HTRA1: variants seen among roughly 807,000 people sequenced by gnomAD.
HTRA1 encodes serine protease HTRA1.
A neutral mutation model predicts 49.7 loss-of-function variants in HTRA1; 26 were observed. That is an observed-to-expected ratio of 0.52 (90% CI 0.38 to 0.73). The LOEUF (loss-of-function observed/expected upper bound fraction) is 0.73. HTRA1 is among the 30% of genes least tolerant of loss of function. The probability of loss-of-function intolerance (pLI) is 0.00; values close to 1 mark genes in which losing one functional copy is unlikely to be tolerated. For synonymous variants in HTRA1, 291 were observed against 286.9 expected (o/e 1.01, Z -0.14); for missense variants, 561 against 667.2 (o/e 0.84, Z 1.75).
chr10:122,510,022 C>T, intron 6 of HTRA1, 74 bp from the exon 7 acceptor site: 6 of 1,305,680 alleles, frequency 4.6e-6, no homozygotes, highest in East Asian at 2.3e-5. Context: ...GGGGATTGGG[C>T]CCCCGGCCCC....
At chr10:122,507,001 A>G (rs540299091) in intron 4 of HTRA1, 116 bp downstream of exon 4, 4 of 924,378 alleles carry the variant, frequency 4.3e-6, no homozygotes, top group Admixed American at 2.0e-5. Flanking sequence ...GGATGGAACT[A>G]GACCAAGCCA....
chr10:122,461,865 C>A lies in HTRA1; in HGVS notation c.213C>A (p.Pro71=). ...ACGCCEVCGA[P]EGAACGLQEG... is the part of the protein sequence containing the mutation. ...GCTGCTGCGAGGTGTGCGGCGCGCCCGAGGGCGCCGCGTGCGGCCTGCAGG... is the reference window on the plus strand; with the variant it reads ...GCTGCTGCGAGGTGTGCGGCGCGCCAGAGGGCGCCGCGTGCGGCCTGCAGG... Residue 71 remains proline, a synonymous_variant, in exon 1 of 9, where the codon CCC becomes CCA. Coordinates refer to ENST00000368984, the MANE Select transcript of HTRA1 (RefSeq NM_002775.5). 2 of 1,213,048 alleles carry A rather than the reference C, an allele frequency of 1.6e-6. No homozygotes were observed. The highest frequency in any genetic ancestry group is 2.0e-6 in the Non-Finnish European group (2 of 979,272). 75.1% of individuals were successfully genotyped at this position (1,213,048 alleles called of 1,614,324 possible). A position where few individuals can be genotyped will look rare whatever the true frequency, so the allele number is the denominator to read the frequency against.
chr10:122,497,422 C>A (rs1428241876), intron 3 of HTRA1, among the ~76,000 whole-genome samples: 1 of 152,174 alleles, frequency 6.6e-6, no homozygotes, highest in Non-Finnish European at 1.5e-5. Flanking sequence ...AACTTCCCTG[C>A]ATTTGGGGCT....
At chr10:122,471,135 C>T (rs1025255120) in intron 1 of HTRA1, among the ~76,000 whole-genome samples, 3 of 152,208 alleles carry the variant, frequency 2.0e-5, no homozygotes, top group Non-Finnish European at 4.4e-5. Flanking sequence ...TTAATGTTTG[C>T]TGGTCAGGAA....
chr10:122,504,826 T>C (rs1382604330), intron 3 of HTRA1, among the ~76,000 whole-genome samples: 4 of 151,708 alleles, frequency 2.6e-5, no homozygotes, highest in Non-Finnish European at 5.9e-5. Context: ...GCTTGAGGAG[T>C]GTGGGAAGTG....
chr10:122,500,493 A>C (rs989827553), intron 3 of HTRA1, among the ~76,000 whole-genome samples: 3 of 152,282 alleles, frequency 2.0e-5, no homozygotes, highest in Non-Finnish European at 4.4e-5. Flanking sequence ...AATCCAGAGA[A>C]GCTAATCAAG....
At chr10:122,468,402 G>A (rs1374625254) in intron 1 of HTRA1, among the ~76,000 whole-genome samples, 1 of 148,546 alleles carries the variant, frequency 6.7e-6, no homozygotes, top group East Asian at 2.0e-4. Context: ...TGTTGTCATT[G>A]TCATCATCAT....
At chr10:122,477,263 G>A (rs533907417) in intron 1 of HTRA1, among the ~76,000 whole-genome samples, 5 of 152,174 alleles carry the variant, frequency 3.3e-5, no homozygotes, top group African/African-American at 7.2e-5. Context: ...CACCATGCCC[G>A]GCCTGTAGTT....
chr10:122,486,513 C>A (rs944145355), intron 1 of HTRA1, among the ~76,000 whole-genome samples: 5 of 152,190 alleles, frequency 3.3e-5, no homozygotes, highest in Non-Finnish European at 5.9e-5. Flanking sequence ...GAAGCGCTCT[C>A]ACTTCCAAGA....
chr10:122,479,632 C>T (rs1001078835), intron 1 of HTRA1, among the ~76,000 whole-genome samples: 9 of 151,862 alleles, frequency 5.9e-5, no homozygotes, highest in African/African-American at 1.7e-4. Context: ...TCATCCAGGC[C>T]GGAAGGAAAA....
rs965737954 is a variant in HTRA1, at chr10:122,510,017, T to C, written c.1121-79T>C. The stretch of plus-strand genomic sequence containing the variant: ...GTGGCCCTTCCTGCAACCTGGGGGA[T>C]TGGGCCCCCGGCCCCTGGTGTCCCC... On this transcript the variant is annotated intron_variant, in intron 6 of 8. Transcript: ENST00000368984. 3 of 1,240,560 alleles carry C rather than the reference T, an allele frequency of 2.4e-6. No individual in the cohort carries two copies. In the African/African-American group the frequency reaches 4.4e-5, roughly 18 times the overall value. 76.8% of individuals were successfully genotyped at this position (1,240,560 alleles called of 1,614,324 possible).
chr10:122,461,972 C>T lies in HTRA1; in HGVS notation c.320C>T (p.Ala107Val), dbSNP rs1002926802. 2.0e-6 allele frequency: 3 copies of T among 1,510,278 alleles called. No homozygotes were observed. In the African/African-American group the frequency reaches 4.3e-5, roughly 22 times the overall value. The allele number at this position is 1,510,278 out of a possible 1,614,324, so 93.6% of individuals were successfully genotyped here. Residue 107 changes from alanine to valine, a missense_variant, in exon 1 of 9, where the codon GCC (alanine) becomes GTC (valine). Coordinates refer to ENST00000368984, the MANE Select transcript of HTRA1 (RefSeq NM_002775.5). ...ASATVRRRAQ[A>V]GLCVCASSEP... ...GCCACGGTGCGGCGGCGCGCGCAGG[C>T]CGGCCTCTGTGTGTGCGCCAGCAGC...
chr10:122,511,531 G>A (rs1167447748), intron 7 of HTRA1, among the ~76,000 whole-genome samples: 14 of 151,988 alleles, frequency 9.2e-5, no homozygotes, highest in Admixed American at 2.0e-4. Flanking sequence ...CCAGGAGTTC[G>A]AGACCAGCCT....
At chr10:122,507,459 TTTTG>T (rs1207577576) in intron 5 of HTRA1, 57 bp downstream of exon 5, 19 of 1,301,098 alleles carry the variant, frequency 1.5e-5, no homozygotes, top group Middle Eastern at 1.8e-4. Context: ...ATACGCTGTT[TTTTG>T]TTTGTTTGTT....
chr10:122,485,040 C>A (rs988557359), intron 1 of HTRA1, among the ~76,000 whole-genome samples: 1 of 152,208 alleles, frequency 6.6e-6, no homozygotes, highest in African/African-American at 2.4e-5. Flanking sequence ...AGGCAGTGGC[C>A]ACTCCATGTA....
At position 122,496,167 on chromosome 10, in the gene HTRA1, G is replaced by A. The variant is rs564768596; in HGVS notation, c.777+6541G>A. On this transcript the variant is annotated intron_variant, in intron 3 of 8. Coordinates refer to ENST00000368984, the MANE Select transcript of HTRA1 (RefSeq NM_002775.5). ...AAGCGAGGTGAAGCACTAGGTGGCC[G>A]CGGCGAGCAGGAAGAGAAGCTGATT... Among the ~76,000 whole-genome samples, 11 of 149,944 alleles carry A rather than the reference G, an allele frequency of 7.3e-5. No individual in the cohort carries two copies. In the South Asian group the frequency reaches 1.1e-3, roughly 14 times the overall value.
chr10:122,475,329 G>A (rs1227584600), intron 1 of HTRA1, among the ~76,000 whole-genome samples: 1 of 152,208 alleles, frequency 6.6e-6, no homozygotes, highest in East Asian at 1.9e-4. Flanking sequence ...GGAAAGAGAG[G>A]GGCTGCCAAC....
At chr10:122,492,824 C>G (rs2097496579) in intron 3 of HTRA1, among the ~76,000 whole-genome samples, 1 of 152,110 alleles carries the variant, frequency 6.6e-6, no homozygotes. Flanking sequence ...GGAGTGGACA[C>G]AGGACCCAGT....
chr10:122,461,741 C>T lies in HTRA1; in HGVS notation c.89C>T (p.Ser30Leu). 8.7e-7 allele frequency: 1 copy of T among 1,151,796 alleles called. No homozygotes were observed. Among genetic ancestry groups the T allele is most frequent in the South Asian group, 2.4e-5 (1 of 42,232 alleles). The allele number at this position is 1,151,796 out of a possible 1,614,324, so 71.3% of individuals were successfully genotyped here. Residue 30 changes from serine (S) to leucine (L), a missense_variant, in exon 1 of 9, where the codon TCG (serine) becomes TTG (leucine). By Grantham distance (145) the Ser-to-Leu change is moderately radical. Coordinates refer to ENST00000368984, the MANE Select transcript of HTRA1 (RefSeq NM_002775.5). ...ASAQLSRAGR[S>L]APLAAGCPDR... ...GCGCAGCTGTCCCGGGCCGGCCGCT[C>T]GGCGCCTTTGGCCGCCGGGTGCCCA...
Sources: gnomAD v4.1 joint callset for allele counts (sites outside exome capture counted in the v4.1 genomes callset) on GRCh38, gnomAD v4.1.1 for gene constraint, MANE v1.5 for transcripts, NCBI Gene and HGNC (gene_info 2026-07-23, HGNC 2026-07-21) for gene names.